Variants in FRMD4A observed in about 807,000 individuals in gnomAD.
FRMD4A encodes the protein FERM domain-containing protein 4A.
In FRMD4A, 29 loss-of-function variants were observed where a neutral mutation model predicts 129.1. The observed-to-expected ratio is 0.22, with a 90% CI of 0.17 to 0.31. The LOEUF is 0.31. FRMD4A is among the 10% of genes least tolerant of loss of function. The pLI, the probability that FRMD4A is intolerant of heterozygous loss-of-function variation, is 1.00. For synonymous variants in FRMD4A, 634 were observed against 571.6 expected (o/e 1.11, Z -1.56); for missense variants, 1,272 against 1,375.8 (o/e 0.92, Z 1.19).
In FRMD4A at chr10:14,190,663, G is replaced by A. The variant is rs376958061; in HGVS notation, c.45+139395C>T. The stretch of plus-strand genomic sequence containing the variant: ...GGTCCCCCAAAGTGCTGGGATTACC[G>A]GCGTGAGCCCCGGCATCTGTCAACA... On this transcript the variant is annotated intron_variant, in intron 2 of 24. Coordinates refer to ENST00000357447, the MANE Select transcript of FRMD4A (RefSeq NM_018027.5). Among the ~76,000 whole-genome samples, 39 of 152,328 alleles carry A rather than the reference G, an allele frequency of 2.6e-4. 1 individual carries two copies. The highest frequency in any genetic ancestry group is 7.9e-4 in the African/African-American group (33 of 41,566).
intron 2 of FRMD4A, among the ~76,000 whole-genome samples, chr10:14,211,350 G>A (rs968128874): frequency 5.9e-5 from 9 of 152,168 alleles, no homozygotes; most frequent in Non-Finnish European, 1.3e-4. Flanking sequence ...CAGTGTTCCT[G>A]ATTCAGTGAG....
At chr10:14,072,807 G>C (rs942020238) in intron 2 of FRMD4A, among the ~76,000 whole-genome samples, 6 of 152,138 alleles carry the variant, frequency 3.9e-5, no homozygotes, top group African/African-American at 1.4e-4. Flanking sequence ...GGAAAATGAG[G>C]TGAGATGGAG....
At chr10:14,136,095 C>T (rs1304923109) in intron 2 of FRMD4A, among the ~76,000 whole-genome samples, 1 of 152,084 alleles carries the variant, frequency 6.6e-6, no homozygotes, top group East Asian at 1.9e-4. Context: ...CAGTAGGTTC[C>T]AAGTGCTCAT....
chr10:13,848,572 T>C (rs139138500), intron 3 of FRMD4A, among the ~76,000 whole-genome samples: 20 of 151,928 alleles, frequency 1.3e-4, no homozygotes, highest in African/African-American at 4.8e-4. Context: ...TCTTCTCCTC[T>C]CCTCAACCAG....
chr10:14,195,639 G>A (rs1842451311), intron 2 of FRMD4A, among the ~76,000 whole-genome samples: 1 of 152,280 alleles, frequency 6.6e-6, no homozygotes, highest in African/African-American at 2.4e-5. Flanking sequence ...CGTTGCAGGG[G>A]GAATCAAGCT....
At chr10:14,185,244 A>G (rs2131908576) in intron 2 of FRMD4A, among the ~76,000 whole-genome samples, 1 of 152,308 alleles carries the variant, frequency 6.6e-6, no homozygotes, top group African/African-American at 2.4e-5. Flanking sequence ...CTATTTCAAG[A>G]AGCCCGGAAA....
chr10:14,089,273 G>T (rs920555860), intron 2 of FRMD4A, among the ~76,000 whole-genome samples: 1 of 152,154 alleles, frequency 6.6e-6, no homozygotes, highest in Non-Finnish European at 1.5e-5. Context: ...GGAGAGAAGA[G>T]TGCCCAGCGT....
chr10:14,277,039 A>G (rs1313823961), intron 2 of FRMD4A, among the ~76,000 whole-genome samples: 2 of 152,086 alleles, frequency 1.3e-5, no homozygotes, highest in African/African-American at 4.8e-5. Flanking sequence ...TAATTTTTGT[A>G]TATTTTGTAG....
chr10:13,675,139 G>T, intron 15 of FRMD4A, 95 bp from the exon 16 acceptor site: 3 of 1,143,358 alleles, frequency 2.6e-6, no homozygotes, highest in Non-Finnish European at 3.9e-6. Context: ...GCGGAGATGG[G>T]ATTTACCCCA....
At chr10:14,043,715 A>G (rs1224840996) in intron 2 of FRMD4A, among the ~76,000 whole-genome samples, 1 of 152,258 alleles carries the variant, frequency 6.6e-6, no homozygotes, top group Admixed American at 6.5e-5. Flanking sequence ...GCATTACAAT[A>G]GAAGACACAA....
At chr10:13,678,398 C>T (rs376570295) in intron 15 of FRMD4A, among the ~76,000 whole-genome samples, 12 of 152,322 alleles carry the variant, frequency 7.9e-5, no homozygotes, top group South Asian at 6.2e-4. Flanking sequence ...TCCACTGTGG[C>T]GGTAACTGGA....
chr10:13,996,020 G>A (rs1051947354), intron 2 of FRMD4A, among the ~76,000 whole-genome samples: 4 of 152,112 alleles, frequency 2.6e-5, no homozygotes, highest in Non-Finnish European at 5.9e-5. Context: ...TCATAGTTCT[G>A]GAAGCTGGAA....
At chr10:13,692,534 G>A (rs1404182771) in intron 15 of FRMD4A, 1 of 152,156 alleles carries the variant, frequency 6.6e-6, no homozygotes, top group Non-Finnish European at 1.5e-5. Context: ...CACTGCTAAG[G>A]TCCCCGGAGG....
chr10:13,717,502 T>C (rs1029899997), intron 12 of FRMD4A, among the ~76,000 whole-genome samples: 2 of 151,936 alleles, frequency 1.3e-5, no homozygotes, highest in Admixed American at 6.6e-5. Flanking sequence ...TTAGTAGAGA[T>C]GGGGTTTCGC....
chr10:14,053,274 T>G (rs1834350635), intron 2 of FRMD4A, among the ~76,000 whole-genome samples: 2 of 152,198 alleles, frequency 1.3e-5, no homozygotes, highest in Non-Finnish European at 2.9e-5. Flanking sequence ...TGATCCCTGA[T>G]GGTGGAGCAT....
chr10:14,121,270 A>G (rs756962226), intron 2 of FRMD4A, among the ~76,000 whole-genome samples: 12 of 152,230 alleles, frequency 7.9e-5, no homozygotes, highest in Non-Finnish European at 1.5e-4. Context: ...TGGAAGGCTT[A>G]GACAGGAGAA....
At position 14,199,602 on chromosome 10, in the gene FRMD4A, C is replaced by A. The variant is rs185681146; in HGVS notation, c.45+130456G>T. On this transcript the variant is annotated intron_variant, in intron 2 of 24. Coordinates refer to ENST00000357447, the MANE Select transcript of FRMD4A (RefSeq NM_018027.5). ...ACAGGGTTTTGCCATGTTGGCCAGGCTGGTCTCAAACTCCCGACCTCAGGT... is the reference window on the plus strand; with the variant it reads ...ACAGGGTTTTGCCATGTTGGCCAGGATGGTCTCAAACTCCCGACCTCAGGT... 1.9e-3 allele frequency among the ~76,000 whole-genome samples: 286 copies of A among 152,300 alleles called. 3 individuals are homozygous for A. Among genetic ancestry groups the A allele is most frequent in the African/African-American group, 6.8e-3 (281 of 41,572 alleles).
intron 2 of FRMD4A, among the ~76,000 whole-genome samples, chr10:14,157,592 G>T (rs1381417545): frequency 6.6e-6 from 1 of 152,186 alleles, no homozygotes; most frequent in African/African-American, 2.4e-5. Flanking sequence ...CCAGAGTCCA[G>T]CCAACACAGC....
chr10:14,123,869 T>C (rs1232873036), intron 2 of FRMD4A, among the ~76,000 whole-genome samples: 1 of 152,198 alleles, frequency 6.6e-6, no homozygotes, highest in East Asian at 1.9e-4. Flanking sequence ...GGAGTGTTTT[T>C]CACCCTCATT....
Sources: allele counts gnomAD v4.1 joint callset (sites outside exome capture counted in the v4.1 genomes callset), GRCh38; gene constraint gnomAD v4.1.1; transcripts MANE v1.5; gene names NCBI Gene and HGNC (gene_info 2026-07-23, HGNC 2026-07-21).